The following GABRA5 variants were observed in gnomAD, a reference collection of about 807,000 sequenced individuals.
The protein encoded by GABRA5 is gamma-aminobutyric acid receptor subunit alpha-5.
In GABRA5, 18 loss-of-function variants were observed where a neutral mutation model predicts 47.3. The ratio of observed to expected loss-of-function variants is 0.38; its 90% CI spans 0.26 to 0.56. The LOEUF (loss-of-function observed/expected upper bound fraction) is 0.56, where lower values mean the gene tolerates loss of function less well. Among genes scored for constraint, GABRA5 ranks in the 20% least tolerant of loss-of-function variants. GABRA5 has a pLI of 0.71. For missense variants in GABRA5, 365 were observed against 599.3 expected (o/e 0.61, Z 4.08); for synonymous variants, 237 against 229.3 (o/e 1.03, Z -0.30).
chr15:26,942,152 C>T (rs995402174), intron 9 of GABRA5, among the ~76,000 whole-genome samples: 2 of 152,214 alleles, frequency 1.3e-5, no homozygotes, highest in Non-Finnish European at 2.9e-5. Flanking sequence ...TTGGGCACCT[C>T]GCTAAACACT....
chr15:26,908,655 T>C (rs1893504281), intron 6 of GABRA5, among the ~76,000 whole-genome samples: 1 of 152,214 alleles, frequency 6.6e-6, no homozygotes, highest in South Asian at 2.1e-4. Flanking sequence ...AATCTTTAGA[T>C]ACTGTGTTGA....
At chr15:26,934,608 C>T (rs1365957391) in intron 7 of GABRA5, among the ~76,000 whole-genome samples, 2 of 152,128 alleles carry the variant, frequency 1.3e-5, no homozygotes, top group African/African-American at 4.8e-5. Flanking sequence ...GTGCTAAATA[C>T]TCGACATTCA....
chr15:26,915,177 C>A (rs1394804970), intron 7 of GABRA5, among the ~76,000 whole-genome samples: 1 of 152,168 alleles, frequency 6.6e-6, no homozygotes. Flanking sequence ...CTCAACCGGG[C>A]AGTTCTTTTT....
At chr15:26,934,620 A>C (rs1894192162) in intron 7 of GABRA5, among the ~76,000 whole-genome samples, 1 of 151,020 alleles carries the variant, frequency 6.6e-6, no homozygotes, top group African/African-American at 2.4e-5. Context: ...CGACATTCAC[A>C]TATCCACTTT....
chr15:26,910,460 C>T (rs369509177), intron 6 of GABRA5, among the ~76,000 whole-genome samples: 52 of 151,862 alleles, frequency 3.4e-4, no homozygotes, highest in African/African-American at 1.1e-3. Flanking sequence ...ATTAGGTGGG[C>T]GTGATTGCGG....
intron 10 of GABRA5, 139 bp downstream of exon 10, chr15:26,943,565 T>A: frequency 1.4e-6 from 1 of 730,346 alleles, no homozygotes; most frequent in African/African-American, 1.8e-5. Context: ...TTCAAGGCCC[T>A]TACCAAGTCT....
chr15:26,878,579 T>G (rs1052872330), intron 3 of GABRA5, among the ~76,000 whole-genome samples: 4 of 152,158 alleles, frequency 2.6e-5, no homozygotes, highest in African/African-American at 9.7e-5. Flanking sequence ...AATCTGTTTC[T>G]TCCCTCCTAG....
Position 26,883,659 on chromosome 15 carries a change from A to AG in GABRA5, c.497+104dup. On this transcript the variant is annotated intron_variant, in intron 6 of 10. Coordinates refer to ENST00000335625, the MANE Select transcript of GABRA5 (RefSeq NM_000810.4). The surrounding 1 kb of genome is among the most constrained non-coding windows in gnomAD (Gnocchi z 4.8). The stretch of plus-strand genomic sequence containing the variant: ...TGCGCCGCGGAGCTGTTCTGACCAT[A>AG]GGTCTGAGACTGCGGCGCGTGTGTG... 3 of 945,706 alleles carry AG rather than the reference A, an allele frequency of 3.2e-6. 1 individual carries two copies. In the South Asian group the frequency reaches 5.2e-5, roughly 16 times the overall value. 58.6% of individuals were successfully genotyped at this position (945,706 alleles called of 1,614,324 possible). A position where few individuals can be genotyped will look rare whatever the true frequency, so the allele number is the denominator to read the frequency against.
chr15:26,929,373 G>T (rs151143454), intron 7 of GABRA5, among the ~76,000 whole-genome samples: 1 of 152,298 alleles, frequency 6.6e-6, no homozygotes, highest in African/African-American at 2.4e-5. Context: ...AGACCTTAAA[G>T]CTTCAGATTA....
At chr15:26,919,830 C>T (rs1414699930) in intron 7 of GABRA5, among the ~76,000 whole-genome samples, 1 of 151,978 alleles carries the variant, frequency 6.6e-6, no homozygotes, top group Non-Finnish European at 1.5e-5. Flanking sequence ...ATACTTTCTG[C>T]TTTTGTTTTT....
intron 4 of GABRA5, among the ~76,000 whole-genome samples, chr15:26,882,740 C>T (rs1214055707): frequency 6.6e-6 from 1 of 152,168 alleles, no homozygotes; most frequent in African/African-American, 2.4e-5. Context: ...GGAAAGTCAG[C>T]TCCCCTCATC....
At position 26,883,237 on chromosome 15, in the gene GABRA5, G is replaced by C. The variant is rs1320457767; in HGVS notation, c.276+4G>C. ...CCCGGTGTCCGACACGGAAATGGTA[G>C]GTCCCGGGGCATGGCTGGGCAGACA... is the stretch of plus-strand genomic sequence containing the variant. On this transcript the variant is annotated splice_donor_region_variant and intron_variant, in intron 5 of 10. Transcript: ENST00000335625. The surrounding 1 kb of genome is among the most constrained non-coding windows in gnomAD (Gnocchi z 4.8). 6.2e-7 allele frequency: 1 copy of C among 1,613,684 alleles called. No homozygotes were observed. The highest frequency in any genetic ancestry group is 8.5e-7 in the Non-Finnish European group (1 of 1,179,738).
chr15:26,925,734 T>G (rs1465944022), intron 7 of GABRA5, among the ~76,000 whole-genome samples: 1 of 152,192 alleles, frequency 6.6e-6, no homozygotes. Context: ...TCCTGGATAT[T>G]TTATGGTTAT....
chr15:26,940,648 C>T (rs1307146482), intron 9 of GABRA5, among the ~76,000 whole-genome samples: 1 of 152,168 alleles, frequency 6.6e-6, no homozygotes, highest in Non-Finnish European at 1.5e-5. Flanking sequence ...GTAAGTTAGG[C>T]AGTTTTCTTT....
At chr15:26,942,615 C>G (rs1363325456) in intron 9 of GABRA5, among the ~76,000 whole-genome samples, 1 of 152,114 alleles carries the variant, frequency 6.6e-6, no homozygotes, top group Non-Finnish European at 1.5e-5. Flanking sequence ...TCGTATCACT[C>G]ACTCTACACG....
intron 6 of GABRA5, among the ~76,000 whole-genome samples, chr15:26,898,723 G>A (rs1351708307): frequency 1.5e-5 from 2 of 137,060 alleles, no homozygotes; most frequent in Non-Finnish European, 3.1e-5. Context: ...TTTGGGCTTA[G>A]CGTGCTCTTT....
intron 10 of GABRA5, among the ~76,000 whole-genome samples, chr15:26,947,549 C>A (rs1004102337): frequency 1.3e-5 from 2 of 152,160 alleles, no homozygotes; most frequent in African/African-American, 4.8e-5. Flanking sequence ...TTTTATCATT[C>A]TTTTTTATGG....
In GABRA5 at chr15:26,869,182, A is replaced by C; in HGVS notation, c.-67A>C. 1 of 974,364 alleles carries C rather than the reference A, an allele frequency of 1.0e-6. No individual in the cohort carries two copies. Among genetic ancestry groups the C allele is most frequent in the South Asian group, 1.3e-5 (1 of 77,622 alleles). The allele number at this position is 974,364 out of a possible 1,614,324, so 60.4% of individuals were successfully genotyped here. On this transcript the variant is annotated 5_prime_UTR_variant, in exon 3 of 11. Transcript: ENST00000335625. The stretch of plus-strand genomic sequence containing the variant: ...GCTTTGTGTGCTTTTCAGCTTCAAG[A>C]ACAAGCTGGAGAAGGGAAGAGTTAT...
Position 26,948,521 on chromosome 15 carries a change from G to T in GABRA5, c.*288G>T. 1 of 336,944 alleles carries T rather than the reference G, an allele frequency of 3.0e-6. No individual in the cohort carries two copies. Among genetic ancestry groups the T allele is most frequent in the Non-Finnish European group, 5.4e-6 (1 of 184,820 alleles). The allele number at this position is 336,944 out of a possible 1,614,324, so 20.9% of individuals were successfully genotyped here. Reference sequence around the variant, plus strand: ...CGTTGATAGTTTACAAACAAGATACGTATATTTTTAACTGCTTCAAGTGTT... The same window carrying T: ...CGTTGATAGTTTACAAACAAGATACTTATATTTTTAACTGCTTCAAGTGTT... On this transcript the variant is annotated 3_prime_UTR_variant, in exon 11 of 11. Transcript: ENST00000335625.
Sources: gnomAD v4.1 joint callset for allele counts (sites outside exome capture counted in the v4.1 genomes callset) on GRCh38, gnomAD v4.1.1 for gene constraint, Gnocchi (gnomAD v3.1) non-coding constraint, MANE v1.5 for transcripts, NCBI Gene and HGNC (gene_info 2026-07-23, HGNC 2026-07-21) for gene names.